The following NAA11 variants were observed in gnomAD, a reference collection of about 807,000 sequenced individuals.
The protein encoded by NAA11 is N-alpha-acetyltransferase 11, NatA catalytic subunit.
A neutral mutation model predicts 16.1 loss-of-function variants in NAA11; 15 were observed. The observed-to-expected ratio is 0.93, with a 90% CI of 0.62 to 1.44. The LOEUF (loss-of-function observed/expected upper bound fraction) is 1.44. Among genes scored for constraint, NAA11 ranks in the 40% most tolerant of loss-of-function variants. The pLI is 0.00. For synonymous variants in NAA11, 122 were observed against 112.4 expected, an observed-to-expected ratio of 1.09 and a Z score of -0.54; for missense variants, 298 against 291.3, an observed-to-expected ratio of 1.02 and a Z score of -0.17.
chr4:79,212,875 C>T, the NAA11 span, among the ~76,000 whole-genome samples: 1 of 152,026 alleles, frequency 6.6e-6, no homozygotes, highest in Admixed American at 6.6e-5. Flanking sequence ...TGGAACATAT[C>T]CCCCAAGGAT....
At chr4:79,272,742 G>A (rs1722526267) in intron 2 of NAA11, among the ~76,000 whole-genome samples, 1 of 151,904 alleles carries the variant, frequency 6.6e-6, no homozygotes, top group Non-Finnish European at 1.5e-5. Flanking sequence ...GTTACTAATT[G>A]TTACTTAACA....
At chr4:79,201,173 A>T in the NAA11 span, among the ~76,000 whole-genome samples, 1 of 151,620 alleles carries the variant, frequency 6.6e-6, no homozygotes, top group East Asian at 1.9e-4. Flanking sequence ...GAACCTTTAG[A>T]TTATTCCCAA....
chr4:79,248,539 A>C (rs957660043), intron 2 of NAA11, among the ~76,000 whole-genome samples: 2 of 152,150 alleles, frequency 1.3e-5, no homozygotes, highest in Admixed American at 1.3e-4. Context: ...CACAATTGCC[A>C]CTGGCACAAT....
intron 1 of NAA11, among the ~76,000 whole-genome samples, chr4:79,295,382 G>T (rs577791402): frequency 6.6e-6 from 1 of 152,294 alleles, no homozygotes; most frequent in African/African-American, 2.4e-5. Context: ...AGGATTACAG[G>T]CTTTCAGAAA....
the NAA11 span, among the ~76,000 whole-genome samples, chr4:79,208,329 A>G: frequency 1.3e-5 from 2 of 152,194 alleles, no homozygotes; most frequent in African/African-American, 2.4e-5. Context: ...ATTAAATGTG[A>G]TAATACTTAA....
chr4:79,320,429 T>TA (rs1724057734), intron 1 of NAA11, among the ~76,000 whole-genome samples: 1 of 152,196 alleles, frequency 6.6e-6, no homozygotes, highest in Non-Finnish European at 1.5e-5. Flanking sequence ...GCTTAGCAAT[T>TA]TACATAGATT....
the NAA11 span, among the ~76,000 whole-genome samples, chr4:79,158,057 C>T: frequency 4.6e-5 from 7 of 152,072 alleles, no homozygotes; most frequent in South Asian, 2.1e-4. Context: ...CTCGCCACCA[C>T]GCCCTGCTAA....
intron 2 of NAA11, among the ~76,000 whole-genome samples, chr4:79,280,594 C>CT (rs200098541): frequency 2.7e-5 from 4 of 150,808 alleles, no homozygotes; most frequent in East Asian, 2.0e-4. Flanking sequence ...CATTTTGATA[C>CT]TTTTTTTTTC....
intron 1 of NAA11, among the ~76,000 whole-genome samples, chr4:79,297,616 A>G (rs1723260628): frequency 6.6e-6 from 1 of 152,180 alleles, no homozygotes; most frequent in Admixed American, 6.5e-5. Context: ...GTCACAGCCC[A>G]TCCAGGTGTG....
intron 2 of NAA11, among the ~76,000 whole-genome samples, chr4:79,280,113 A>G (rs1023031593): frequency 6.6e-6 from 1 of 152,274 alleles, no homozygotes. Flanking sequence ...CATAAAATAT[A>G]CAAATTAAAA....
the NAA11 span, among the ~76,000 whole-genome samples, chr4:79,163,552 C>T: frequency 6.6e-6 from 1 of 152,226 alleles, no homozygotes; most frequent in Admixed American, 6.5e-5. Context: ...TGTCTGCTGG[C>T]ATCAGTGCTT....
the NAA11 span, among the ~76,000 whole-genome samples, chr4:79,193,586 T>A: frequency 6.6e-6 from 1 of 152,110 alleles, no homozygotes; most frequent in African/African-American, 2.4e-5. Context: ...TTGGTCTATA[T>A]CTCTCTTTTG....
chr4:79,253,112 G>A (rs970629145), intron 2 of NAA11, among the ~76,000 whole-genome samples: 4 of 152,292 alleles, frequency 2.6e-5, no homozygotes, highest in Middle Eastern at 3.4e-3. Flanking sequence ...AGGAAGTGCA[G>A]TGAGGATAAG....
chr4:79,266,255 T>G (rs534682799), intron 2 of NAA11, among the ~76,000 whole-genome samples: 1 of 152,314 alleles, frequency 6.6e-6, no homozygotes, highest in South Asian at 2.1e-4. Context: ...AAATCCCCCG[T>G]GATGGAGGCA....
intron 2 of NAA11, among the ~76,000 whole-genome samples, chr4:79,252,773 A>G (rs1174099227): frequency 6.6e-6 from 1 of 152,202 alleles, no homozygotes; most frequent in African/African-American, 2.4e-5. Flanking sequence ...GTGGAAAGAG[A>G]TGATGTTAAA....
intron 2 of NAA11, among the ~76,000 whole-genome samples, chr4:79,282,543 T>C (rs1296675183): frequency 1.3e-5 from 2 of 152,098 alleles, no homozygotes; most frequent in Non-Finnish European, 2.9e-5. Context: ...TTTCTAAATG[T>C]TTCCTAGATC....
At chr4:79,292,535 T>G (rs1723111695) in intron 2 of NAA11, among the ~76,000 whole-genome samples, 2 of 152,322 alleles carry the variant, frequency 1.3e-5, no homozygotes, top group East Asian at 3.9e-4. Flanking sequence ...TCATCACTTC[T>G]TATGATTGCG....
chr4:79,208,826 G>T, the NAA11 span, among the ~76,000 whole-genome samples: 2 of 147,250 alleles, frequency 1.4e-5, no homozygotes, highest in East Asian at 2.0e-4. Flanking sequence ...TAATAATTTG[G>T]ATTTGGTTCA....
At chr4:79,319,579 T>C (rs952163283) in intron 1 of NAA11, among the ~76,000 whole-genome samples, 1 of 152,224 alleles carries the variant, frequency 6.6e-6, no homozygotes, top group Non-Finnish European at 1.5e-5. Context: ...TCTGCTTTTA[T>C]CAGTTACTTC....
Sources: allele counts gnomAD v4.1 joint callset (sites outside exome capture counted in the v4.1 genomes callset), GRCh38; gene constraint gnomAD v4.1.1; transcripts MANE v1.5; gene names NCBI Gene and HGNC (gene_info 2026-07-23, HGNC 2026-07-21).